Variants in CACNB4 observed in about 807,000 individuals in gnomAD.
CACNB4 encodes the protein voltage-dependent L-type calcium channel subunit beta-4.
A neutral mutation model predicts 71.2 loss-of-function variants in CACNB4; 32 were observed. That is an observed-to-expected ratio of 0.45 (90% confidence interval 0.34 to 0.60). The LOEUF (loss-of-function observed/expected upper bound fraction) is 0.60, where lower values mean the gene tolerates loss of function less well. Among genes scored for constraint, CACNB4 ranks in the 20% least tolerant of loss-of-function variants. The pLI, the probability that CACNB4 is intolerant of heterozygous loss-of-function variation, is 0.01. For missense variants in CACNB4, 464 were observed against 647.9 expected (o/e 0.72, Z 3.08); for synonymous variants, 231 against 236.9 (o/e 0.97, Z 0.23).
chr2:151,834,713 G>C lies in CACNB4; in HGVS notation c.*4406C>G, dbSNP rs990462801. On this transcript the variant is annotated 3_prime_UTR_variant, in exon 14 of 14. Coordinates refer to ENST00000539935, the MANE Select transcript of CACNB4 (RefSeq NM_000726.5). ...CTAATTGGATTGACTTGACTGGTTT[G>C]ATCATGATTATTTTAAAGAAGAGGA... 1 of 151,898 alleles carries C rather than the reference G, an allele frequency of 6.6e-6. No homozygotes were observed. The highest frequency in any genetic ancestry group is 1.5e-5 in the Non-Finnish European group (1 of 67,814). The allele number at this position is 151,898 out of a possible 1,614,324, so 9.4% of individuals were successfully genotyped here.
intron 2 of CACNB4, among the ~76,000 whole-genome samples, chr2:152,084,094 G>C (rs1219621646): frequency 6.6e-6 from 1 of 152,160 alleles, no homozygotes; most frequent in Non-Finnish European, 1.5e-5. Flanking sequence ...CGTGTGGGTC[G>C]ACATGAATGA....
intron 2 of CACNB4, among the ~76,000 whole-genome samples, chr2:151,890,129 T>C: frequency 6.6e-6 from 1 of 152,208 alleles, no homozygotes; most frequent in East Asian, 1.9e-4. Context: ...CTCTTGAAAT[T>C]ATATCGCCGA....
At chr2:152,049,834 C>T (rs1367262673) in intron 2 of CACNB4, among the ~76,000 whole-genome samples, 1 of 152,182 alleles carries the variant, frequency 6.6e-6, no homozygotes, top group East Asian at 1.9e-4. Flanking sequence ...TAAAAGAAAC[C>T]ATTTTATTCC....
chr2:151,944,796 A>G (rs1316992704), intron 2 of CACNB4, among the ~76,000 whole-genome samples: 2 of 152,236 alleles, frequency 1.3e-5, no homozygotes, highest in African/African-American at 4.8e-5. Context: ...TGTTTCAACA[A>G]CAAAAAGTTA....
chr2:152,055,688 GTTAA>G (rs1335304447), intron 2 of CACNB4, among the ~76,000 whole-genome samples: 5 of 152,176 alleles, frequency 3.3e-5, no homozygotes, highest in African/African-American at 9.7e-5. Flanking sequence ...TTTCAGAATT[GTTAA>G]TTAATCCTTA....
chr2:152,065,988 A>G (rs1283230157), intron 2 of CACNB4, among the ~76,000 whole-genome samples: 1 of 152,248 alleles, frequency 6.6e-6, no homozygotes, highest in Non-Finnish European at 1.5e-5. Flanking sequence ...AATAGAAAAC[A>G]AAGAAGAAAA....
chr2:151,909,813 G>T (rs150945109), intron 2 of CACNB4, among the ~76,000 whole-genome samples: 1 of 152,146 alleles, frequency 6.6e-6, no homozygotes, highest in South Asian at 2.1e-4. Context: ...ATGATTGATG[G>T]GCATTTGGGT....
chr2:152,036,417 C>A (rs189078348), intron 2 of CACNB4, among the ~76,000 whole-genome samples: 1 of 152,082 alleles, frequency 6.6e-6, no homozygotes, highest in Admixed American at 6.6e-5. Flanking sequence ...CTCTTGCCTC[C>A]GCCTCCCAAG....
intron 2 of CACNB4, among the ~76,000 whole-genome samples, chr2:151,933,688 G>C (rs1315409393): frequency 6.6e-6 from 1 of 152,156 alleles, no homozygotes; most frequent in Non-Finnish European, 1.5e-5. Flanking sequence ...GGTCAGTAAA[G>C]CACAGTTTTG....
chr2:151,988,974 C>T (rs1681532680), intron 2 of CACNB4, among the ~76,000 whole-genome samples: 1 of 152,198 alleles, frequency 6.6e-6, no homozygotes, highest in Non-Finnish European at 1.5e-5. Flanking sequence ...CATCTCTCTT[C>T]TTTTACCATT....
At chr2:151,856,305 G>T (rs1009227359) in intron 10 of CACNB4, among the ~76,000 whole-genome samples, 2 of 151,896 alleles carry the variant, frequency 1.3e-5, no homozygotes, top group African/African-American at 2.4e-5. Flanking sequence ...CAGAGAAATT[G>T]ATTTGTTTTC....
At chr2:151,953,921 T>C (rs1191357433) in intron 2 of CACNB4, among the ~76,000 whole-genome samples, 1 of 152,232 alleles carries the variant, frequency 6.6e-6, no homozygotes, top group African/African-American at 2.4e-5. Context: ...AATAGATATA[T>C]CCAGGATTAA....
intron 2 of CACNB4, among the ~76,000 whole-genome samples, chr2:151,926,954 G>A (rs1465612080): frequency 2.0e-5 from 3 of 152,128 alleles, no homozygotes; most frequent in African/African-American, 7.2e-5. Context: ...ACATGCTACC[G>A]TATCACAACA....
intron 2 of CACNB4, among the ~76,000 whole-genome samples, chr2:151,928,148 C>G (rs1422732531): frequency 6.6e-6 from 1 of 152,158 alleles, no homozygotes; most frequent in Non-Finnish European, 1.5e-5. Context: ...GCTTTGAACT[C>G]TAAGTATGAA....
At chr2:152,074,248 C>T (rs1303819755) in intron 2 of CACNB4, among the ~76,000 whole-genome samples, 1 of 151,766 alleles carries the variant, frequency 6.6e-6, no homozygotes, top group Non-Finnish European at 1.5e-5. Context: ...CATCAGCACC[C>T]CCCCATTTAT....
chr2:151,910,052 C>T (rs2151532652), intron 2 of CACNB4, among the ~76,000 whole-genome samples: 1 of 152,250 alleles, frequency 6.6e-6, no homozygotes, highest in African/African-American at 2.4e-5. Context: ...CTGTTGTTTC[C>T]TAACTTTTTA....
At chr2:151,860,370 C>T (rs1192684849) in intron 10 of CACNB4, 1 of 291,408 alleles carries the variant, frequency 3.4e-6, no homozygotes, top group Non-Finnish European at 6.4e-6. Flanking sequence ...TTTATGTCAG[C>T]TGTGACTCAG....
intron 5 of CACNB4, chr2:151,872,702 CT>C: frequency 2.3e-6 from 1 of 430,730 alleles, no homozygotes; most frequent in Non-Finnish European, 4.1e-6. Flanking sequence ...CTGGAATACT[CT>C]GCAAAAGCAT....
At chr2:151,979,947 G>A (rs2099874430) in intron 2 of CACNB4, among the ~76,000 whole-genome samples, 1 of 152,178 alleles carries the variant, frequency 6.6e-6, no homozygotes, top group Non-Finnish European at 1.5e-5. Flanking sequence ...AAATAAATCA[G>A]CCACCAACTT....
Sources: allele counts gnomAD v4.1 joint callset (sites outside exome capture counted in the v4.1 genomes callset), GRCh38; gene constraint gnomAD v4.1.1; transcripts MANE v1.5; gene names NCBI Gene and HGNC (gene_info 2026-07-23, HGNC 2026-07-21).